ITPR1: variants seen among roughly 807,000 people sequenced by gnomAD.
ITPR1 encodes inositol 1,4,5-trisphosphate-gated calcium channel ITPR1.
A neutral mutation model predicts 318.4 loss-of-function variants in ITPR1; 96 were observed. That is an observed-to-expected ratio of 0.30 (90% CI 0.26 to 0.36). ITPR1 has a LOEUF of 0.36. ITPR1 is among the 10% of genes least tolerant of loss of function. The pLI is 1.00. For synonymous variants in ITPR1, 1,312 were observed against 1,289.9 expected (o/e 1.02, Z -0.37); for missense variants, 2,440 against 3,460.2 (o/e 0.71, Z 7.40).
At chr3:4,721,082 GAACCTATTGCA>G (rs1463424672) in intron 40 of ITPR1, among the ~76,000 whole-genome samples, 4 of 149,958 alleles carry the variant, frequency 2.7e-5, no homozygotes, top group African/African-American at 9.9e-5. Flanking sequence ...AGAACATACA[GAACCTATTGCA>G]AAGTCAGTGG....
At chr3:4,751,008 C>T (rs1428103620) in intron 44 of ITPR1, 1 of 152,880 alleles carries the variant, frequency 6.5e-6, no homozygotes, top group Non-Finnish European at 1.5e-5. Flanking sequence ...GAAGTTTTCT[C>T]TGGCATATTC....
At chr3:4,770,927 T>G (rs992033572) in intron 46 of ITPR1, among the ~76,000 whole-genome samples, 9 of 151,170 alleles carry the variant, frequency 6.0e-5, no homozygotes, top group Admixed American at 5.9e-4. Context: ...AAAGGGGGAG[T>G]GAGTGACCCA....
chr3:4,643,141 T>C (rs2093376233), intron 7 of ITPR1, among the ~76,000 whole-genome samples: 1 of 152,234 alleles, frequency 6.6e-6, no homozygotes, highest in African/African-American at 2.4e-5. Flanking sequence ...AGTTGGTAAA[T>C]AATTGATCCT....
In ITPR1 at chr3:4,683,366, C is replaced by T. The variant is rs751455829; in HGVS notation, c.3162-20C>T. On this transcript the variant is annotated intron_variant, in intron 26 of 61. Transcript: ENST00000649015. Reference sequence around the variant, plus strand: ...GCATTTGTCATTCATTTGGCCTTTCCCCACCTTGTGCTCCTTTAGTGAGGA... The same window carrying T: ...GCATTTGTCATTCATTTGGCCTTTCTCCACCTTGTGCTCCTTTAGTGAGGA... 1.7e-5 allele frequency: 27 copies of T among 1,613,824 alleles called. No homozygotes were observed. Among genetic ancestry groups the T allele is most frequent in the Non-Finnish European group, 2.1e-5 (25 of 1,179,844 alleles).
intron 31 of ITPR1, among the ~76,000 whole-genome samples, chr3:4,689,866 C>T (rs1335397734): frequency 6.6e-6 from 1 of 152,184 alleles, no homozygotes; most frequent in African/African-American, 2.4e-5. Flanking sequence ...CCATTAAGAG[C>T]ATCCAAAGGG....
At chr3:4,790,339 G>A (rs138095615) in intron 52 of ITPR1, among the ~76,000 whole-genome samples, 106 of 152,266 alleles carry the variant, frequency 7.0e-4, no homozygotes, top group African/African-American at 2.5e-3. Context: ...TTGATGGACT[G>A]TAGCATGGTC....
intron 4 of ITPR1, among the ~76,000 whole-genome samples, chr3:4,538,452 T>C (rs2084083607): frequency 6.6e-6 from 1 of 152,150 alleles, no homozygotes; most frequent in Non-Finnish European, 1.5e-5. Context: ...TTGGTGGGAA[T>C]GTAAATTAGT....
intron 4 of ITPR1, among the ~76,000 whole-genome samples, chr3:4,539,634 T>A (rs1460968604): frequency 2.6e-5 from 4 of 152,180 alleles, no homozygotes; most frequent in Admixed American, 6.5e-5. Flanking sequence ...TGGTCTTCAA[T>A]GTGGCAGTGT....
chr3:4,729,738 C>T (rs1348544164), intron 42 of ITPR1, among the ~76,000 whole-genome samples: 2 of 152,148 alleles, frequency 1.3e-5, no homozygotes, highest in Non-Finnish European at 2.9e-5. Context: ...TAATGTGACA[C>T]TTATTACAAA....
At position 4,802,310 on chromosome 3, in the gene ITPR1, A is replaced by G. The variant is rs189684773; in HGVS notation, c.7107+1710A>G. On this transcript the variant is annotated intron_variant, in intron 54 of 61. Coordinates refer to ENST00000649015, the MANE Select transcript of ITPR1 (RefSeq NM_001378452.1). The stretch of plus-strand genomic sequence containing the variant: ...GTATGTTGGAAACTCTGTTCCCAGT[A>G]GTGGAAAGTGCCTGTGGTGTTTTTG... Among the ~76,000 whole-genome samples, 65 of 152,322 alleles carry G rather than the reference A, an allele frequency of 4.3e-4. 3 individuals are homozygous for G. The South Asian group carries it at 0.013, about 31-fold the overall frequency.
rs762849900 is a variant in ITPR1 at position 4,669,672 on chromosome 3, C to T, written c.1905C>T (p.Ser635=). The change falls in exon 19 of 62, where the codon TCC becomes TCT. Residue 635 remains serine, a synonymous_variant. Coordinates refer to ENST00000649015, the MANE Select transcript of ITPR1 (RefSeq NM_001378452.1). ...TGTTTAGATTCTTAGATTACCTCTC[C>T]GACCTCTGTGTCTCCATGAACAAAT... is the stretch of plus-strand genomic sequence containing the variant. ...NREPRFLDYL[S]DLCVSMNKSI... The T allele has an allele frequency of 9.3e-6, 15 of 1,612,460 alleles. No individual in the cohort carries two copies. The highest frequency in any genetic ancestry group is 6.7e-5 in the East Asian group (3 of 44,808).
At chr3:4,810,274 C>G (rs2048849193) in intron 55 of ITPR1, among the ~76,000 whole-genome samples, 1 of 152,176 alleles carries the variant, frequency 6.6e-6, no homozygotes, top group Non-Finnish European at 1.5e-5. Flanking sequence ...AGAGGCCATG[C>G]TAAAAACTAG....
intron 11 of ITPR1, among the ~76,000 whole-genome samples, chr3:4,652,808 C>T (rs780501786): frequency 2.6e-5 from 4 of 152,034 alleles, no homozygotes; most frequent in Non-Finnish European, 5.9e-5. Flanking sequence ...ATCAGCCTGG[C>T]CAAAATGGTG....
At chr3:4,636,640 A>C (rs916536922) in intron 5 of ITPR1, among the ~76,000 whole-genome samples, 7 of 151,982 alleles carry the variant, frequency 4.6e-5, no homozygotes, top group African/African-American at 1.7e-4. Flanking sequence ...TGTTTGCCAG[A>C]CTGGTCTCAA....
intron 3 of ITPR1, among the ~76,000 whole-genome samples, chr3:4,520,392 C>T (rs567905826): frequency 6.6e-6 from 1 of 152,280 alleles, no homozygotes; most frequent in South Asian, 2.1e-4. Context: ...TGATGCTCCA[C>T]AGTCCTTTCA....
At chr3:4,613,885 C>T (rs2092273934) in intron 4 of ITPR1, among the ~76,000 whole-genome samples, 1 of 152,126 alleles carries the variant, frequency 6.6e-6, no homozygotes, top group Admixed American at 6.5e-5. Flanking sequence ...ATGTGCATTT[C>T]CACATGGCCC....
At chr3:4,596,016 C>A (rs572059890) in intron 4 of ITPR1, 1 of 152,122 alleles carries the variant, frequency 6.6e-6, no homozygotes, top group Non-Finnish European at 1.5e-5. Flanking sequence ...AAATCAGATC[C>A]CCTGATTTAT....
In ITPR1 at chr3:4,826,091, C is replaced by T. The variant is rs185638777; in HGVS notation, c.8028+7849C>T. 1.7e-3 allele frequency among the ~76,000 whole-genome samples: 252 copies of T among 152,324 alleles called. 5 individuals carry two copies. The South Asian group carries it at 0.042, about 25-fold the overall frequency. On this transcript the variant is annotated intron_variant, in intron 60 of 61. Coordinates refer to ENST00000649015, the MANE Select transcript of ITPR1 (RefSeq NM_001378452.1). This position sits in a 1 kb window ranked among gnomAD's most constrained non-coding sequence, Gnocchi z 4.2. ...TTAACCCTGGTCTGACCTTTCTGCC[C>T]GCCTGTGCACCTCCTCTGTGCATGA...
At position 4,746,111 on chromosome 3, in the gene ITPR1, G is replaced by A. The variant is rs1167117441; in HGVS notation, c.5544+10757G>A. Among the ~76,000 whole-genome samples, 9 of 152,162 alleles carry A rather than the reference G, an allele frequency of 5.9e-5. No homozygotes were observed. In the South Asian group the frequency reaches 1.0e-3, roughly 18 times the overall value. On this transcript the variant is annotated intron_variant, in intron 44 of 61. Transcript: ENST00000649015. ...ATTCATATTCTTGACCACCAGGCTC[G>A]ACCGCCTGCCAGCATAGGGCTGCTG...
Sources: gnomAD v4.1 joint callset for allele counts (sites outside exome capture counted in the v4.1 genomes callset) on GRCh38, gnomAD v4.1.1 for gene constraint, Gnocchi (gnomAD v3.1) non-coding constraint, MANE v1.5 for transcripts, NCBI Gene and HGNC (gene_info 2026-07-23, HGNC 2026-07-21) for gene names.